The following OSMR variants were observed in gnomAD, a reference collection of about 807,000 sequenced individuals.
The protein encoded by OSMR is oncostatin-M-specific receptor subunit beta.
In OSMR, 81 loss-of-function variants were observed where a neutral mutation model predicts 99.9. That is an observed-to-expected ratio of 0.81 (90% CI 0.68 to 0.97). The LOEUF is 0.97. OSMR is among the 50% of genes least tolerant of loss of function. The pLI, the probability that OSMR is intolerant of heterozygous loss-of-function variation, is 0.00. For missense variants in OSMR, 1,099 were observed against 1,153.4 expected (o/e 0.95, Z 0.68); for synonymous variants, 406 against 410.4 (o/e 0.99, Z 0.13).
intron 7 of OSMR, among the ~76,000 whole-genome samples, chr5:38,899,397 C>T (rs1034889316): frequency 4.6e-5 from 7 of 152,072 alleles, no homozygotes; most frequent in African/African-American, 1.7e-4. Flanking sequence ...AATCAGAGAC[C>T]CCAAGAGCCC....
chr5:38,862,147 G>T (rs1474572101), intron 1 of OSMR, among the ~76,000 whole-genome samples: 2 of 132,390 alleles, frequency 1.5e-5, no homozygotes, highest in African/African-American at 5.8e-5. Flanking sequence ...GGGCAGAGGG[G>T]CTCCTCACCG....
intron 9 of OSMR, among the ~76,000 whole-genome samples, chr5:38,910,520 G>T (rs1395926870): frequency 1.3e-5 from 2 of 151,964 alleles, no homozygotes; most frequent in African/African-American, 2.4e-5. Flanking sequence ...ACACTCTCAG[G>T]CAACAGCACA....
chr5:38,855,020 C>G (rs10059248), intron 1 of OSMR, among the ~76,000 whole-genome samples: 38,857 of 152,068 alleles, frequency 0.26, 5,282 homozygotes, highest in South Asian at 0.43. Context: ...GTGCCAGAAG[C>G]AGAGCTGCAG....
In OSMR at chr5:38,910,951, G is replaced by A. The variant is rs189377954; in HGVS notation, c.1285+6448G>A. Among the ~76,000 whole-genome samples the A allele has an allele frequency of 4.9e-3, 746 of 152,136 alleles. 4 individuals carry two copies. Among genetic ancestry groups the A allele is most frequent in the African/African-American group, 0.017 (685 of 41,492 alleles). On this transcript the variant is annotated intron_variant, in intron 9 of 17. Coordinates refer to ENST00000274276, the MANE Select transcript of OSMR (RefSeq NM_003999.3). The stretch of plus-strand genomic sequence containing the variant: ...CTGGAACCTGGGAGGTGGAGGTTGC[G>A]GTGAGCTGAGATTGCATCACTACAC...
At chr5:38,869,728 G>A (rs1742233355) in intron 2 of OSMR, among the ~76,000 whole-genome samples, 1 of 152,116 alleles carries the variant, frequency 6.6e-6, no homozygotes, top group South Asian at 2.1e-4. Flanking sequence ...AGGTCAATAA[G>A]AATTTAATAC....
rs558318060 is a variant in OSMR at position 38,846,165 on chromosome 5, G to C, written c.-236G>C. ...ACCCGCCCGTCCCCGCTCTGCTCGC[G>C]CCCTGCCGCTGCGCCGCCCTCGGTG... On this transcript the variant is annotated 5_prime_UTR_variant, in exon 1 of 18. Coordinates refer to ENST00000274276, the MANE Select transcript of OSMR (RefSeq NM_003999.3). 1 of 152,360 alleles carries C rather than the reference G, an allele frequency of 6.6e-6. No homozygotes were observed. Among genetic ancestry groups the C allele is most frequent in the Non-Finnish European group, 1.5e-5 (1 of 68,102 alleles). 9.4% of individuals were successfully genotyped at this position (152,360 alleles called of 1,614,324 possible).
intron 9 of OSMR, among the ~76,000 whole-genome samples, chr5:38,910,890 G>A (rs2112584278): frequency 6.6e-6 from 1 of 152,200 alleles, no homozygotes; most frequent in East Asian, 1.9e-4. Flanking sequence ...CGTGCCTGTA[G>A]TCCCAGCCAG....
chr5:38,901,646 C>A (rs897926138), intron 7 of OSMR, among the ~76,000 whole-genome samples: 1 of 152,130 alleles, frequency 6.6e-6, no homozygotes, highest in Non-Finnish European at 1.5e-5. Context: ...ATGTGAGAGG[C>A]TGGTACATCC....
intron 2 of OSMR, chr5:38,944,354 T>A: frequency 5.3e-6 from 7 of 1,320,682 alleles, no homozygotes; most frequent in Non-Finnish European, 7.4e-6. Context: ...TGATGTAAGT[T>A]AACTAGCCTA....
chr5:38,933,310 C>T lies in OSMR; in HGVS notation c.2806C>T (p.Pro936Ser), dbSNP rs3749737. Residue 936 changes from proline to serine, a missense_variant, in exon 18 of 18, where the codon CCA becomes TCA. Pro to Ser is a moderately conservative substitution (Grantham distance 74). Coordinates refer to ENST00000274276, the MANE Select transcript of OSMR (RefSeq NM_003999.3). ...FGDKDSLPTN[P>S]VEAPHCSEYK... is the part of the protein sequence containing the mutation. ...AGACAAGGACAGTCTCCCAACAAAC[C>T]CAGTAGAGGCACCACACTGTTCAGA... The T allele has an allele frequency of 6.0e-3, 9,714 of 1,614,130 alleles. 199 individuals are homozygous for T. The highest frequency in any genetic ancestry group is 0.05 in the African/African-American group (3,745 of 75,036).
intron 17 of OSMR, 95 bp downstream of exon 17, chr5:38,932,630 G>T: frequency 6.4e-7 from 1 of 1,567,478 alleles, no homozygotes; most frequent in South Asian, 1.2e-5. Flanking sequence ...AGCTCCTCAG[G>T]AAAATATAGC....
chr5:38,928,436 A>G (rs949219818), intron 15 of OSMR, among the ~76,000 whole-genome samples: 1 of 152,212 alleles, frequency 6.6e-6, no homozygotes, highest in African/African-American at 2.4e-5. Flanking sequence ...AGGAGGCCTC[A>G]CGAAACTTAT....
At position 38,852,718 on chromosome 5, in the gene OSMR, A is replaced by ATTTTTTTTTTTTT. The variant is rs61559728; in HGVS notation, c.-14+6349_-14+6361dup. 3.7e-3 allele frequency among the ~76,000 whole-genome samples: 260 copies of ATTTTTTTTTTTTT among 70,660 alleles called. 51 individuals carry two copies. Among genetic ancestry groups the ATTTTTTTTTTTTT allele is most frequent in the African/African-American group, 3.9e-3 (73 of 18,678 alleles). 46.4% of individuals were successfully genotyped at this position (70,660 alleles called of 152,430 possible). The stretch of plus-strand genomic sequence containing the variant: ...GATACATATTGAAACTATTGTTTTC[A>ATTTTTTTTTTTTT]TTTTTTTTTTTTTTTTTTTTTTTTT... On this transcript the variant is annotated intron_variant, in intron 1 of 17. Coordinates refer to ENST00000274276, the MANE Select transcript of OSMR (RefSeq NM_003999.3).
chr5:38,927,486 C>T (rs1328825186), intron 15 of OSMR, among the ~76,000 whole-genome samples: 1 of 152,202 alleles, frequency 6.6e-6, no homozygotes, highest in East Asian at 1.9e-4. Context: ...TGGAAGCTGC[C>T]AAGGCTTGGG....
chr5:38,870,209 G>T (rs769756164), intron 2 of OSMR, among the ~76,000 whole-genome samples: 3 of 152,118 alleles, frequency 2.0e-5, no homozygotes, highest in African/African-American at 7.2e-5. Context: ...GGGCTGAAAG[G>T]TGGGAATTAG....
intron 1 of OSMR, among the ~76,000 whole-genome samples, chr5:38,846,674 A>G (rs937430733): frequency 1.3e-5 from 2 of 152,090 alleles, no homozygotes; most frequent in African/African-American, 4.8e-5. Flanking sequence ...CTAGCGTAGA[A>G]GCGGGAGGAG....
chr5:38,923,334 A>G (rs1432310565), intron 13 of OSMR, 80 bp downstream of exon 13: 10 of 913,434 alleles, frequency 1.1e-5, no homozygotes, highest in Non-Finnish European at 1.8e-5. Context: ...GGGTTTAGGA[A>G]GCTGTCAGCA....
At chr5:38,939,406 T>C (rs570077550), downstream of OSMR, 1 of 232,356 alleles carries the variant, frequency 4.3e-6, no homozygotes, top group East Asian at 6.1e-5. Flanking sequence ...AGAATGTCCA[T>C]ATTCTACTAA....
chr5:38,945,189 A>C (rs1211504486), downstream of OSMR: 1 of 747,392 alleles, frequency 1.3e-6, no homozygotes, highest in African/African-American at 1.8e-5. Context: ...GCAATATACC[A>C]AACACTTCCA....
Sources: allele counts gnomAD v4.1 joint callset (sites outside exome capture counted in the v4.1 genomes callset), GRCh38; gene constraint gnomAD v4.1.1; transcripts MANE v1.5; gene names NCBI Gene and HGNC (gene_info 2026-07-23, HGNC 2026-07-21).